Variants in NRXN3 observed in about 807,000 individuals in gnomAD.
NRXN3 encodes neurexin 3.
Under a neutral mutation model 137.6 loss-of-function variants are expected in NRXN3, and 32 were observed. The ratio of observed to expected loss-of-function variants is 0.23; its 90% CI spans 0.18 to 0.31. The LOEUF (loss-of-function observed/expected upper bound fraction) is 0.31, where lower values mean the gene tolerates loss of function less well. Among genes scored for constraint, NRXN3 ranks in the 10% least tolerant of loss-of-function variants. The pLI is 1.00. For synonymous variants in NRXN3, 798 were observed against 784.5 expected (o/e 1.02, Z -0.29); for missense variants, 1,574 against 2,062.5 (o/e 0.76, Z 4.59).
At chr14:78,952,951 G>A (rs1446880684) in intron 10 of NRXN3, among the ~76,000 whole-genome samples, 2 of 152,130 alleles carry the variant, frequency 1.3e-5, no homozygotes, top group Admixed American at 6.5e-5. Context: ...TACCCCCTGC[G>A]TATGAGCAAA....
rs1322026022 is a variant in NRXN3 at position 79,861,016 on chromosome 14, TTTC to T, written c.4094-323_4094-321del. On this transcript the variant is annotated intron_variant, in intron 20 of 20. Transcript: ENST00000335750. This position sits in a 1 kb window ranked among gnomAD's most constrained non-coding sequence, Gnocchi z 5.4. ...GTTGTTTACAAATATACTAATTGTT[TTTC>T]TTTTTCTTTTCCATCCCAGGAGGTG... is the stretch of plus-strand genomic sequence containing the variant. 7.3e-7 allele frequency: 1 copy of T among 1,361,658 alleles called. No individual in the cohort carries two copies. The highest frequency in any genetic ancestry group is 2.6e-5 in the East Asian group (1 of 38,438). 84.3% of individuals were successfully genotyped at this position (1,361,658 alleles called of 1,614,324 possible). A position where few individuals can be genotyped will look rare whatever the true frequency, so the allele number is the denominator to read the frequency against.
chr14:78,626,110 T>C (rs952511892), intron 4 of NRXN3, among the ~76,000 whole-genome samples: 5 of 152,130 alleles, frequency 3.3e-5, no homozygotes, highest in Non-Finnish European at 7.4e-5. Context: ...AAACAACTTT[T>C]AAGGCAGCAA....
At chr14:79,291,733 T>A (rs1436081772) in intron 15 of NRXN3, among the ~76,000 whole-genome samples, 3 of 151,156 alleles carry the variant, frequency 2.0e-5, no homozygotes, top group Non-Finnish European at 4.4e-5. Flanking sequence ...CTGAAAACAG[T>A]ACAATATTTC....
chr14:78,882,040 AAAGG>A lies in NRXN3; in HGVS notation c.2275+71697_2275+71700del, dbSNP rs2152654077. On this transcript the variant is annotated intron_variant, in intron 10 of 20. Coordinates refer to ENST00000335750, the MANE Select transcript of NRXN3 (RefSeq NM_001330195.2). ...AGGTACAGCTCAGGATATTGTTTCA[AAAGG>A]TGTAAGCCCCCATTCTTGGCAGCTT... 2.0e-5 allele frequency among the ~76,000 whole-genome samples: 3 copies of A among 151,954 alleles called. 1 individual carries two copies. The highest frequency in any genetic ancestry group is 7.3e-5 in the African/African-American group (3 of 41,226).
chr14:79,694,871 A>G lies in NRXN3; in HGVS notation c.3706+2609A>G, dbSNP rs565359447. Among the ~76,000 whole-genome samples the G allele has an allele frequency of 6.6e-5, 10 of 152,110 alleles. No homozygotes were observed. The East Asian group carries it at 7.8e-4, about 12-fold the overall frequency. On this transcript the variant is annotated intron_variant, in intron 18 of 20. Transcript: ENST00000335750. ...TAGGAGAGGGTTTTACTACAGCAGA[A>G]GAGCAGATCTAGCCAGAAACAGACC...
chr14:79,165,001 ATATTG>A (rs2153076536), intron 15 of NRXN3, among the ~76,000 whole-genome samples: 1 of 151,966 alleles, frequency 6.6e-6, no homozygotes, highest in East Asian at 1.9e-4. Context: ...TTTCCCACTA[ATATTG>A]TAGTATTAAT....
intron 15 of NRXN3, among the ~76,000 whole-genome samples, chr14:79,106,482 A>G (rs960748685): frequency 2.0e-5 from 3 of 152,224 alleles, no homozygotes; most frequent in African/African-American, 7.2e-5. Flanking sequence ...TAAGAATAAA[A>G]AAGAAAAAAA....
At chr14:78,425,725 C>T (rs953446723) in intron 4 of NRXN3, among the ~76,000 whole-genome samples, 1 of 152,160 alleles carries the variant, frequency 6.6e-6, no homozygotes, top group African/African-American at 2.4e-5. Flanking sequence ...TCTACCCCTT[C>T]CCCCACCCAC....
intron 1 of NRXN3, among the ~76,000 whole-genome samples, chr14:78,208,889 T>C (rs990384715): frequency 6.6e-6 from 1 of 152,214 alleles, no homozygotes; most frequent in African/African-American, 2.4e-5. Flanking sequence ...TTCGCGTATG[T>C]GTCCCCATGA....
chr14:79,024,018 A>G (rs970935444), intron 15 of NRXN3, among the ~76,000 whole-genome samples: 2 of 152,110 alleles, frequency 1.3e-5, no homozygotes, highest in Non-Finnish European at 1.5e-5. Flanking sequence ...GAATCATTCC[A>G]TGGAATCAAT....
At chr14:79,347,844 A>G in intron 15 of NRXN3, among the ~76,000 whole-genome samples, 1 of 152,212 alleles carries the variant, frequency 6.6e-6, no homozygotes, top group South Asian at 2.1e-4. Context: ...TTTTAGAAAT[A>G]TGTGGAAAGC....
chr14:79,760,970 A>G (rs2099036373), intron 19 of NRXN3, among the ~76,000 whole-genome samples: 1 of 151,484 alleles, frequency 6.6e-6, no homozygotes, highest in Non-Finnish European at 1.5e-5. Context: ...TTCCATAATT[A>G]TGTGAATAAC....
At position 78,553,345 on chromosome 14, in the gene NRXN3, G is replaced by A. The variant is rs184242683; in HGVS notation, c.758-91775G>A. Among the ~76,000 whole-genome samples, 97 of 152,234 alleles carry A rather than the reference G, an allele frequency of 6.4e-4. 2 individuals are homozygous for A. Among genetic ancestry groups the A allele is most frequent in the Non-Finnish European group, 1.5e-4 (10 of 68,026 alleles). On this transcript the variant is annotated intron_variant, in intron 4 of 20. Coordinates refer to ENST00000335750, the MANE Select transcript of NRXN3 (RefSeq NM_001330195.2). Reference sequence around the variant, plus strand: ...ACCCTATGCAGTCCTGATTGTCTGGGCTTATTTTCACTTGCTCTGTGAAGC... The same window carrying A: ...ACCCTATGCAGTCCTGATTGTCTGGACTTATTTTCACTTGCTCTGTGAAGC...
rs200571667 is a variant in NRXN3, at chr14:79,687,803, A to G, written c.3617-4370A>G. On this transcript the variant is annotated intron_variant, in intron 17 of 20. Coordinates refer to ENST00000335750, the MANE Select transcript of NRXN3 (RefSeq NM_001330195.2). Reference sequence around the variant, plus strand: ...TTTCTCAGCTTAGCAGCAGTATATCATCATTACCTGTGGCTGGACCAAGAA... The same window carrying G: ...TTTCTCAGCTTAGCAGCAGTATATCGTCATTACCTGTGGCTGGACCAAGAA... Among the ~76,000 whole-genome samples, 23 of 152,282 alleles carry G rather than the reference A, an allele frequency of 1.5e-4. No homozygotes were observed. In the East Asian group the frequency reaches 4.4e-3, roughly 29 times the overall value.
chr14:78,344,234 G>A (rs941117084), intron 4 of NRXN3, among the ~76,000 whole-genome samples: 1 of 152,166 alleles, frequency 6.6e-6, no homozygotes, highest in Admixed American at 6.5e-5. Flanking sequence ...CCTCTTCATG[G>A]TTCAGCACCA....
Position 79,156,020 on chromosome 14 carries a change from C to T in NRXN3, c.3262+167879C>T, listed in dbSNP as rs560515509. ...ATTTATTTTAAAAATCTCTCTCTTC[C>T]CTCACTTCTTCATTGAAGTAATAAG... On this transcript the variant is annotated intron_variant, in intron 15 of 20. Transcript: ENST00000335750. 2.2e-4 allele frequency among the ~76,000 whole-genome samples: 34 copies of T among 151,748 alleles called. 1 individual carries two copies. In the South Asian group the frequency reaches 6.4e-3, roughly 29 times the overall value.
intron 1 of NRXN3, among the ~76,000 whole-genome samples, chr14:78,203,420 T>G (rs2061860919): frequency 1.3e-5 from 2 of 152,310 alleles, no homozygotes; most frequent in South Asian, 4.1e-4. Context: ...CTCCCAGGTA[T>G]GATGTATTTC....
intron 8 of NRXN3, among the ~76,000 whole-genome samples, chr14:78,767,069 C>T (rs1595666363): frequency 6.6e-6 from 1 of 152,184 alleles, no homozygotes; most frequent in East Asian, 1.9e-4. Flanking sequence ...TTCTGTAGGT[C>T]CTAGGTCCAG....
intron 4 of NRXN3, among the ~76,000 whole-genome samples, chr14:78,348,938 T>C (rs2083117065): frequency 6.6e-6 from 1 of 152,112 alleles, no homozygotes; most frequent in Non-Finnish European, 1.5e-5. Context: ...AACTAAATGA[T>C]CATGTAAAGG....
Sources: allele counts gnomAD v4.1 joint callset (sites outside exome capture counted in the v4.1 genomes callset), GRCh38; gene constraint gnomAD v4.1.1; non-coding constraint Gnocchi (gnomAD v3.1); transcripts MANE v1.5; gene names NCBI Gene and HGNC (gene_info 2026-07-23, HGNC 2026-07-21).